SUMF1: variants seen among roughly 807,000 people sequenced by gnomAD.
SUMF1 encodes sulfatase modifying factor 1, also known as formylglycine-generating enzyme.
SUMF1 carries 48 observed loss-of-function variants against 47.6 expected under a neutral mutation model. The observed-to-expected ratio is 1.01, with a 90% CI of 0.80 to 1.28. The LOEUF is 1.28. Among genes scored for constraint, SUMF1 ranks in the 50% most tolerant of loss-of-function variants. The probability of loss-of-function intolerance (pLI) is 0.00; values close to 1 mark genes in which losing one functional copy is unlikely to be tolerated. For missense variants in SUMF1, 571 were observed against 485.4 expected (o/e 1.18, Z -1.66); for synonymous variants, 230 against 192.1 (o/e 1.20, Z -1.63).
chr3:4,325,756 T>A (rs527672853), intron 8 of SUMF1, among the ~76,000 whole-genome samples: 1 of 152,128 alleles, frequency 6.6e-6, no homozygotes, highest in East Asian at 1.9e-4. Flanking sequence ...GATAAAAAAA[T>A]TGATTAATGT....
At chr3:4,418,259 A>G in intron 4 of SUMF1, 127 bp from the exon 5 acceptor site, 1 of 1,382,526 alleles carries the variant, frequency 7.2e-7, no homozygotes, top group South Asian at 1.3e-5. Context: ...CTGGTCCTTA[A>G]GTCAAACCCC....
rs534480714 is a variant in SUMF1 at position 4,150,390 on chromosome 3, C to T, written c.1015-81645G>A. Among the ~76,000 whole-genome samples the T allele has an allele frequency of 2.4e-3, 362 of 151,560 alleles. 3 individuals carry two copies. The highest frequency in any genetic ancestry group is 4.2e-3 in the Non-Finnish European group (283 of 67,994). The stretch of plus-strand genomic sequence containing the variant: ...CAGCCTGGGCAACACGGTGAAATCC[C>T]GTCTCTACTAAAACACAAAAAATTA... On this transcript the variant is annotated intron_variant and NMD_transcript_variant, in intron 8 of 12. Transcript: ENST00000448413.
chr3:4,119,654 C>A (rs917445842), intron 8 of SUMF1, among the ~76,000 whole-genome samples: 9 of 152,068 alleles, frequency 5.9e-5, no homozygotes, highest in Non-Finnish European at 1.0e-4. Flanking sequence ...GTTGTTATCT[C>A]CTGCAGCATT....
Position 4,123,428 on chromosome 3 carries a change from A to G in SUMF1, c.1015-54683T>C, listed in dbSNP as rs151293464. 2.1e-3 allele frequency among the ~76,000 whole-genome samples: 316 copies of G among 152,254 alleles called. 2 individuals carry two copies. The highest frequency in any genetic ancestry group is 7.1e-3 in the African/African-American group (294 of 41,550). On this transcript the variant is annotated intron_variant and NMD_transcript_variant, in intron 8 of 12. Coordinates refer to the SUMF1 transcript ENST00000448413. ...GAGGGAGTGTCTAGATGGCATCCAC[A>G]TGTTTGTTTAGTTTGGTTTTGCTTT...
intron 8 of SUMF1, among the ~76,000 whole-genome samples, chr3:4,165,545 T>C (rs1206456391): frequency 6.6e-6 from 1 of 152,042 alleles, no homozygotes; most frequent in African/African-American, 2.4e-5. Context: ...AAACTTTGCA[T>C]AGTTGTGGAT....
At chr3:4,335,960 C>CAAAAAAAACAAAAAAAAAAAAAAAAAAAA (rs5846319) in intron 8 of SUMF1, among the ~76,000 whole-genome samples, 3 of 73,898 alleles carry the variant, frequency 4.1e-5, no homozygotes, top group Admixed American at 1.7e-4. Context: ...GATTCCAACT[C>CAAAAAAAACAAAAAAAAAAAAAAAAAAAA]AAAAAAAAAA....
At chr3:4,313,593 G>A (rs777745528) in intron 8 of SUMF1, 1 of 1,614,084 alleles carries the variant, frequency 6.2e-7, no homozygotes, top group Non-Finnish European at 8.5e-7. Context: ...GGAAACTAAG[G>A]AAACCTTGTT....
intron 8 of SUMF1, among the ~76,000 whole-genome samples, chr3:4,187,095 C>A (rs1193143332): frequency 6.6e-6 from 1 of 152,172 alleles, no homozygotes; most frequent in Non-Finnish European, 1.5e-5. Context: ...ATAGGCCAGG[C>A]ACAATGGCTC....
chr3:4,318,073 G>A (rs1405837592), intron 8 of SUMF1, among the ~76,000 whole-genome samples: 2 of 150,820 alleles, frequency 1.3e-5, no homozygotes, highest in Non-Finnish European at 3.0e-5. Flanking sequence ...ACACACACAC[G>A]AGTTAAAGAA....
intron 8 of SUMF1, among the ~76,000 whole-genome samples, chr3:4,252,972 T>C (rs1028062990): frequency 6.6e-6 from 1 of 152,216 alleles, no homozygotes; most frequent in Non-Finnish European, 1.5e-5. Context: ...ATTGGAACAT[T>C]TGACTTAGAT....
At chr3:4,078,565 A>AT (rs60531439) in intron 8 of SUMF1, among the ~76,000 whole-genome samples, 8,243 of 152,014 alleles carry the variant, frequency 0.054, 577 homozygotes, top group East Asian at 0.19. Context: ...GCCAGGTGCT[A>AT]TTTTTAAATG....
At chr3:4,283,729 G>A (rs983147916) in intron 8 of SUMF1, among the ~76,000 whole-genome samples, 6 of 152,194 alleles carry the variant, frequency 3.9e-5, no homozygotes, top group African/African-American at 1.4e-4. Context: ...CATTCAAGCT[G>A]CTATAATAGA....
intron 8 of SUMF1, among the ~76,000 whole-genome samples, chr3:4,315,566 A>T (rs531191192): frequency 1.5e-4 from 23 of 152,280 alleles, no homozygotes; most frequent in African/African-American, 5.5e-4. Flanking sequence ...CAGATTCCTA[A>T]GGTAAGAGTC....
At chr3:4,416,430 T>G (rs572580373) in intron 6 of SUMF1, among the ~76,000 whole-genome samples, 10 of 152,322 alleles carry the variant, frequency 6.6e-5, no homozygotes, top group African/African-American at 2.4e-4. Flanking sequence ...GTTTCTGATA[T>G]AGGCAGGAAA....
At chr3:4,314,326 C>G (rs1369421778) in intron 8 of SUMF1, 3 of 153,112 alleles carry the variant, frequency 2.0e-5, no homozygotes, top group African/African-American at 7.2e-5. Context: ...CCAAGAAACC[C>G]TTGTGGCTGC....
intron 8 of SUMF1, among the ~76,000 whole-genome samples, chr3:4,129,729 G>T (rs1340526633): frequency 6.6e-6 from 1 of 152,156 alleles, no homozygotes; most frequent in East Asian, 1.9e-4. Context: ...CACTGGCTCT[G>T]AGCTGACGCT....
At chr3:4,363,183 A>C (rs529217764) in intron 8 of SUMF1, among the ~76,000 whole-genome samples, 123 of 152,316 alleles carry the variant, frequency 8.1e-4, no homozygotes, top group Non-Finnish European at 1.3e-3. Context: ...CTGAAAAAAT[A>C]CTAAGAACAA....
intron 3 of SUMF1, among the ~76,000 whole-genome samples, chr3:4,425,871 G>A (rs532282095): frequency 2.4e-4 from 36 of 152,284 alleles, no homozygotes; most frequent in Middle Eastern, 3.4e-3. Flanking sequence ...GCAAAGGCAC[G>A]CCTTACATGG....
chr3:4,271,494 GATAGATAGATAGATAGATAGATAGA>G (rs1559637594), intron 8 of SUMF1, among the ~76,000 whole-genome samples: 10 of 151,720 alleles, frequency 6.6e-5, no homozygotes, highest in African/African-American at 2.4e-4. Flanking sequence ...TAGATAGATA[GATAGATAGATAGATAGATAGATAGA>G]TACAGAGAGG....
Sources: allele counts gnomAD v4.1 joint callset (sites outside exome capture counted in the v4.1 genomes callset), GRCh38; gene constraint gnomAD v4.1.1; transcripts MANE v1.5; gene names NCBI Gene and HGNC (gene_info 2026-07-23, HGNC 2026-07-21).